Variants in ARHGAP26 observed in about 807,000 individuals in gnomAD.
ARHGAP26 encodes the protein Rho GTPase activating protein 26, also known as rho GTPase-activating protein 26.
ARHGAP26 carries 38 observed loss-of-function variants against 104.8 expected under a neutral mutation model. The observed-to-expected ratio is 0.36, with a 90% CI of 0.28 to 0.48. ARHGAP26 has a LOEUF of 0.48. Ranked by LOEUF, ARHGAP26 falls within the 20% of genes least tolerant of loss-of-function variation. The pLI is 0.99. For synonymous variants in ARHGAP26, 341 were observed against 340.0 expected (o/e 1.00, Z -0.03); for missense variants, 704 against 947.9 (o/e 0.74, Z 3.38).
intron 11 of ARHGAP26, chr5:143,011,056 C>A (rs185471513): frequency 6.6e-6 from 1 of 152,324 alleles, no homozygotes; most frequent in Non-Finnish European, 1.5e-5. Context: ...CAAGGCTCTG[C>A]AGGATCGGAT....
intron 1 of ARHGAP26, among the ~76,000 whole-genome samples, chr5:142,794,344 A>G (rs926957380): frequency 6.6e-6 from 1 of 152,164 alleles, no homozygotes; most frequent in African/African-American, 2.4e-5. Flanking sequence ...ATGATTTCCC[A>G]GAGGAATACT....
At chr5:142,857,411 C>A (rs34709127) in intron 1 of ARHGAP26, among the ~76,000 whole-genome samples, 2,456 of 152,196 alleles carry the variant, frequency 0.016, 63 homozygotes, top group African/African-American at 0.053. Flanking sequence ...CCAGCAGCTG[C>A]TAGGATTCCT....
intron 11 of ARHGAP26, among the ~76,000 whole-genome samples, chr5:142,977,287 C>T (rs1773237431): frequency 6.6e-6 from 1 of 152,272 alleles, no homozygotes; most frequent in South Asian, 2.1e-4. Flanking sequence ...CACCTCAACC[C>T]GCGGTTCTTC....
At chr5:143,114,300 G>A (rs980616518) in intron 17 of ARHGAP26, among the ~76,000 whole-genome samples, 1 of 152,150 alleles carries the variant, frequency 6.6e-6, no homozygotes, top group East Asian at 1.9e-4. Flanking sequence ...GGCCCTGACG[G>A]GTGTTCTCGA....
At chr5:142,805,940 C>T (rs150213715) in intron 1 of ARHGAP26, among the ~76,000 whole-genome samples, 201 of 152,290 alleles carry the variant, frequency 1.3e-3, no homozygotes, top group African/African-American at 4.5e-3. Context: ...AGCATCAATT[C>T]CCTAATGTGG....
chr5:142,783,942 C>T (rs574566623), intron 1 of ARHGAP26, among the ~76,000 whole-genome samples: 1 of 152,258 alleles, frequency 6.6e-6, no homozygotes, highest in Non-Finnish European at 1.5e-5. Context: ...TCATCAGCCA[C>T]ACCACCCCTG....
intron 11 of ARHGAP26, among the ~76,000 whole-genome samples, chr5:142,955,606 A>C (rs1265303899): frequency 6.6e-6 from 1 of 152,222 alleles, no homozygotes; most frequent in Admixed American, 6.5e-5. Context: ...CTCCCGCCTC[A>C]ATCATTGTAG....
intron 1 of ARHGAP26, among the ~76,000 whole-genome samples, chr5:142,825,943 A>C (rs1441482474): frequency 6.6e-6 from 1 of 152,208 alleles, no homozygotes; most frequent in Non-Finnish European, 1.5e-5. Flanking sequence ...CACATGATGC[A>C]TCTGGGTATT....
At chr5:142,805,394 G>A (rs1173427774) in intron 1 of ARHGAP26, among the ~76,000 whole-genome samples, 1 of 152,060 alleles carries the variant, frequency 6.6e-6, no homozygotes, top group South Asian at 2.1e-4. Context: ...GACCCACCAC[G>A]CCTGGCCCAC....
chr5:143,085,134 G>A (rs938399989), intron 17 of ARHGAP26, among the ~76,000 whole-genome samples: 52 of 151,496 alleles, frequency 3.4e-4, no homozygotes, highest in East Asian at 1.2e-3. Context: ...TTGTGGTCCC[G>A]GCCCCGGAAA....
intron 19 of ARHGAP26, among the ~76,000 whole-genome samples, chr5:143,135,242 G>C (rs1797780330): frequency 6.6e-6 from 1 of 152,144 alleles, no homozygotes; most frequent in Non-Finnish European, 1.5e-5. Flanking sequence ...AATATCTCAG[G>C]GCCCCATTCT....
At chr5:143,193,261 T>TTTTTTTTTTTTTTTC (rs1806228042) in intron 20 of ARHGAP26, among the ~76,000 whole-genome samples, 1 of 130,484 alleles carries the variant, frequency 7.7e-6, no homozygotes, top group African/African-American at 2.8e-5. Context: ...TTTTTTTTTT[T>TTTTTTTTTTTTTTTC]TTTTGAGGCA....
intron 1 of ARHGAP26, among the ~76,000 whole-genome samples, chr5:142,862,080 G>C (rs1324567137): frequency 6.6e-6 from 1 of 152,188 alleles, no homozygotes; most frequent in African/African-American, 2.4e-5. Context: ...TTATGGGTTG[G>C]CTTGTTTGTT....
At chr5:142,814,002 A>C (rs1305729688) in intron 1 of ARHGAP26, among the ~76,000 whole-genome samples, 1 of 152,218 alleles carries the variant, frequency 6.6e-6, no homozygotes, top group Non-Finnish European at 1.5e-5. Context: ...TACTAGTTTA[A>C]TAAGATCTTA....
Position 143,207,187 on chromosome 5 carries a change from A to G in ARHGAP26, c.1989-11A>G, listed in dbSNP as rs761502089. The G allele has an allele frequency of 1.9e-6, 3 of 1,610,452 alleles. No homozygotes were observed. The highest frequency in any genetic ancestry group is 1.3e-5 in the African/African-American group (1 of 74,500). On this transcript the variant is annotated splice_polypyrimidine_tract_variant and intron_variant, in intron 20 of 22. Coordinates refer to ENST00000645722, the MANE Select transcript of ARHGAP26 (RefSeq NM_001135608.3). ...TGTGCTGACAAGTTTTCTGGTTGTT[A>G]TGTCTTGCAGCCCCCCGAATCCAAG...
At chr5:142,993,140 C>T in intron 11 of ARHGAP26, among the ~76,000 whole-genome samples, 1 of 150,636 alleles carries the variant, frequency 6.6e-6, no homozygotes, top group East Asian at 2.0e-4. Context: ...ACCACCATGC[C>T]CGGGTAATTT....
Position 142,874,539 on chromosome 5 carries a change from AT to A in ARHGAP26, c.251-570del, listed in dbSNP as rs138357050. ...AGTATCCTCAGGGCCATTGCACGTA[AT>A]GCTTATTGCTTTTATGAATAATTTT... On this transcript the variant is annotated intron_variant, in intron 2 of 22. Transcript: ENST00000645722. Among the ~76,000 whole-genome samples the A allele has an allele frequency of 2.0e-5, 3 of 152,236 alleles. No homozygotes were observed. In the East Asian group the frequency reaches 5.8e-4, roughly 29 times the overall value.
chr5:142,937,492 T>C (rs1311284563), intron 11 of ARHGAP26, among the ~76,000 whole-genome samples: 1 of 152,230 alleles, frequency 6.6e-6, no homozygotes, highest in African/African-American at 2.4e-5. Flanking sequence ...CTTGGCAGTT[T>C]CTAAAACTAA....
rs137999982 is a variant in ARHGAP26, at chr5:142,965,592, A to G, written c.1107+33467A>G. Among the ~76,000 whole-genome samples, 1,400 of 152,346 alleles carry G rather than the reference A, an allele frequency of 9.2e-3. 18 individuals carry two copies. Among genetic ancestry groups the G allele is most frequent in the African/African-American group, 0.032 (1,348 of 41,562 alleles). Reference sequence around the variant, plus strand: ...GGTTTTTCCTAGGTTATGATTATAGAGCGAGGATTATTATAATATTGGAAT... The same window carrying G: ...GGTTTTTCCTAGGTTATGATTATAGGGCGAGGATTATTATAATATTGGAAT... On this transcript the variant is annotated intron_variant, in intron 11 of 22. Coordinates refer to ENST00000645722, the MANE Select transcript of ARHGAP26 (RefSeq NM_001135608.3).
Sources: allele counts gnomAD v4.1 joint callset (sites outside exome capture counted in the v4.1 genomes callset), GRCh38; gene constraint gnomAD v4.1.1; transcripts MANE v1.5; gene names NCBI Gene and HGNC (gene_info 2026-07-23, HGNC 2026-07-21).